Variants in STARD13 observed in about 807,000 individuals in gnomAD.
STARD13 encodes the protein StAR related lipid transfer domain containing 13, also known as stAR-related lipid transfer protein 13.
Under a neutral mutation model 106.4 loss-of-function variants are expected in STARD13, and 62 were observed. That is an observed-to-expected ratio of 0.58 (90% CI 0.48 to 0.72). The LOEUF (loss-of-function observed/expected upper bound fraction) is 0.72, where lower values mean the gene tolerates loss of function less well. Among genes scored for constraint, STARD13 ranks in the 30% least tolerant of loss-of-function variants. The pLI is 0.00. For missense variants in STARD13, 1,387 were observed against 1,424.0 expected (o/e 0.97, Z 0.42); for synonymous variants, 565 against 553.0 (o/e 1.02, Z -0.31).
chr13:33,355,059 A>G (rs1434368655), upstream of STARD13: 1 of 152,198 alleles, frequency 6.6e-6, no homozygotes, highest in African/African-American at 2.4e-5. Flanking sequence ...TTTATTTTAA[A>G]GCTTTCACAA....
At chr13:33,523,245 T>C in the STARD13 span, among the ~76,000 whole-genome samples, 1 of 152,112 alleles carries the variant, frequency 6.6e-6, no homozygotes, top group Non-Finnish European at 1.5e-5. Context: ...GAAGTTTGGT[T>C]GTGGCTGTAT....
the STARD13 span, among the ~76,000 whole-genome samples, chr13:33,478,644 G>A: frequency 1.3e-5 from 2 of 152,228 alleles, no homozygotes; most frequent in Admixed American, 6.5e-5. Flanking sequence ...GGCTGGGCAT[G>A]GTGGCTCATG....
the STARD13 span, chr13:33,654,936 G>A: frequency 9.2e-5 from 14 of 152,338 alleles, no homozygotes; most frequent in African/African-American, 3.1e-4. Flanking sequence ...CCATTGACAA[G>A]CCGCACCTCA....
intron 1 of STARD13, among the ~76,000 whole-genome samples, chr13:33,209,413 T>C (rs1887591764): frequency 6.6e-6 from 1 of 151,128 alleles, no homozygotes; most frequent in Non-Finnish European, 1.5e-5. Flanking sequence ...TTATACCAGA[T>C]GGCAAAGCAA....
the STARD13 span, among the ~76,000 whole-genome samples, chr13:33,540,845 G>C: frequency 3.3e-5 from 5 of 152,190 alleles, no homozygotes; most frequent in Non-Finnish European, 2.9e-5. Flanking sequence ...CAAAGGAGTA[G>C]GAGAGCTGAT....
the STARD13 span, among the ~76,000 whole-genome samples, chr13:33,659,381 A>T: frequency 6.6e-6 from 1 of 151,790 alleles, no homozygotes; most frequent in African/African-American, 2.4e-5. Flanking sequence ...ACACTCAGCT[A>T]ATTTTTGTGT....
intron 1 of STARD13, among the ~76,000 whole-genome samples, chr13:33,269,388 C>T (rs1891051505): frequency 6.6e-6 from 1 of 152,194 alleles, no homozygotes; most frequent in African/African-American, 2.4e-5. Flanking sequence ...GGTAGGATGG[C>T]AGGGGAACAC....
At chr13:33,106,966 T>C (rs1045506087) in intron 12 of STARD13, 32 bp from the exon 13 acceptor site, 3 of 1,585,184 alleles carry the variant, frequency 1.9e-6, no homozygotes, top group African/African-American at 2.7e-5. Flanking sequence ...ATCAGAGTCA[T>C]GACTGAGGGA....
At chr13:33,121,193 C>G (rs1257802183) in intron 7 of STARD13, among the ~76,000 whole-genome samples, 1 of 152,196 alleles carries the variant, frequency 6.6e-6, no homozygotes, top group Non-Finnish European at 1.5e-5. Flanking sequence ...ATCCTGAGAC[C>G]AGAAGAAGAG....
the STARD13 span, among the ~76,000 whole-genome samples, chr13:33,568,798 C>G: frequency 6.1e-5 from 9 of 148,140 alleles, 1 homozygote; most frequent in Non-Finnish European, 1.2e-4. Context: ...ATTTGTTAAG[C>G]TACATTTCAG....
At chr13:33,283,096 G>C (rs1045625157) in intron 1 of STARD13, among the ~76,000 whole-genome samples, 53 of 152,144 alleles carry the variant, frequency 3.5e-4, no homozygotes, top group Admixed American at 3.5e-3. Flanking sequence ...GGTAGTAACT[G>C]GTTAAAGAGA....
chr13:33,645,674 T>C, the STARD13 span, among the ~76,000 whole-genome samples: 1 of 152,200 alleles, frequency 6.6e-6, no homozygotes, highest in Non-Finnish European at 1.5e-5. Flanking sequence ...AAAATGATTG[T>C]TTAGCCATGT....
the STARD13 span, among the ~76,000 whole-genome samples, chr13:33,650,300 C>T: frequency 6.8e-6 from 1 of 146,174 alleles, no homozygotes; most frequent in African/African-American, 2.6e-5. Context: ...ACGCCATTCT[C>T]CTGCCTCAGC....
the STARD13 span, among the ~76,000 whole-genome samples, chr13:33,416,548 T>A: frequency 6.6e-6 from 1 of 152,184 alleles, no homozygotes; most frequent in East Asian, 1.9e-4. Context: ...ACAGGCTATT[T>A]TAAAATTAAA....
the STARD13 span, among the ~76,000 whole-genome samples, chr13:33,519,018 C>G: frequency 6.6e-6 from 1 of 152,064 alleles, no homozygotes; most frequent in African/African-American, 2.4e-5. Flanking sequence ...AGCACTTTAG[C>G]AAGAACCCTG....
chr13:33,506,451 A>C, the STARD13 span, among the ~76,000 whole-genome samples: 1 of 152,206 alleles, frequency 6.6e-6, no homozygotes, highest in African/African-American at 2.4e-5. Flanking sequence ...AGAAAATTAG[A>C]AGCTTAGAAA....
At chr13:33,400,633 T>C in the STARD13 span, among the ~76,000 whole-genome samples, 1 of 152,200 alleles carries the variant, frequency 6.6e-6, no homozygotes, top group South Asian at 2.1e-4. Context: ...GCTAATTTTT[T>C]TTTGTATTTT....
At chr13:33,398,626 G>GA in the STARD13 span, among the ~76,000 whole-genome samples, 10 of 144,460 alleles carry the variant, frequency 6.9e-5, no homozygotes, top group Non-Finnish European at 9.0e-5. Context: ...GGAATATGGG[G>GA]AAAAAAAAGA....
chr13:33,499,590 T>TC, the STARD13 span, among the ~76,000 whole-genome samples: 67 of 66,644 alleles, frequency 1.0e-3, 3 homozygotes, highest in African/African-American at 3.2e-3. Flanking sequence ...TTCTTCTTCT[T>TC]CTTCTTCTTC....
Sources: gnomAD v4.1 joint callset for allele counts (sites outside exome capture counted in the v4.1 genomes callset) on GRCh38, gnomAD v4.1.1 for gene constraint, MANE v1.5 for transcripts, NCBI Gene and HGNC (gene_info 2026-07-23, HGNC 2026-07-21) for gene names.